TYW1: variants seen among roughly 807,000 people sequenced by gnomAD.
TYW1 encodes the protein S-adenosyl-L-methionine-dependent tRNA 4-demethylwyosine synthase TYW1.
TYW1 carries 46 observed loss-of-function variants against 96.2 expected under a neutral mutation model. The observed-to-expected ratio is 0.48, with a 90% CI of 0.38 to 0.61. The LOEUF (loss-of-function observed/expected upper bound fraction) is 0.61. TYW1 is among the 20% of genes least tolerant of loss of function. The pLI is 0.00. For synonymous variants in TYW1, 274 were observed against 323.0 expected (o/e 0.85, Z 1.63); for missense variants, 684 against 909.6 (o/e 0.75, Z 3.19).
chr7:67,050,167 A>G (rs747961825), intron 8 of TYW1, 101 bp downstream of exon 8: 31 of 1,323,030 alleles, frequency 2.3e-5, no homozygotes, highest in Non-Finnish European at 3.0e-5. Flanking sequence ...GCAGCTGTTC[A>G]TAGTGGCAGA....
chr7:67,173,466 TTAA>T (rs1799575106), intron 13 of TYW1, among the ~76,000 whole-genome samples: 1 of 152,252 alleles, frequency 6.6e-6, no homozygotes, highest in Non-Finnish European at 1.5e-5. Flanking sequence ...TCAAGAATAC[TTAA>T]TAATTGTTGC....
intron 2 of TYW1, 31 bp from the exon 3 acceptor site, chr7:66,998,786 G>A (rs368839970): frequency 1.9e-6 from 3 of 1,611,746 alleles, no homozygotes; most frequent in Non-Finnish European, 2.5e-6. Flanking sequence ...ATTTAGACTT[G>A]ATGGATTTTG....
chr7:67,136,620 A>C (rs559345543), intron 13 of TYW1, among the ~76,000 whole-genome samples: 22 of 122,970 alleles, frequency 1.8e-4, no homozygotes, highest in African/African-American at 7.2e-4. Flanking sequence ...CACATACCAT[A>C]TATTAGTATG....
chr7:67,208,810 A>G (rs953588375), intron 15 of TYW1, among the ~76,000 whole-genome samples: 2 of 152,042 alleles, frequency 1.3e-5, no homozygotes, highest in Non-Finnish European at 2.9e-5. Context: ...ACAACATGAT[A>G]TAGCCTCTGG....
chr7:67,019,659 GTT>G (rs1259886974), intron 6 of TYW1, among the ~76,000 whole-genome samples: 11 of 152,276 alleles, frequency 7.2e-5, no homozygotes, highest in African/African-American at 2.7e-4. Flanking sequence ...AATTTAAAGA[GTT>G]TATTTGAGCC....
chr7:67,132,660 A>C (rs7783804), intron 13 of TYW1, among the ~76,000 whole-genome samples: 41,891 of 151,760 alleles, frequency 0.28, 6,625 homozygotes, highest in African/African-American at 0.44. Flanking sequence ...AGAGCTGTTT[A>C]ATCTCCCCAT....
At chr7:66,998,994 C>T in intron 3 of TYW1, 40 bp downstream of exon 3, 1 of 1,609,486 alleles carries the variant, frequency 6.2e-7, no homozygotes. Context: ...GGTTTCCTGA[C>T]ATTTTAAGAA....
intron 15 of TYW1, among the ~76,000 whole-genome samples, chr7:67,229,563 A>T (rs574740502): frequency 6.6e-6 from 1 of 151,902 alleles, no homozygotes; most frequent in South Asian, 2.1e-4. Flanking sequence ...TGGAATATAC[A>T]CTGTTTTCTG....
At chr7:67,118,815 G>T (rs1797675424) in intron 13 of TYW1, among the ~76,000 whole-genome samples, 1 of 146,916 alleles carries the variant, frequency 6.8e-6, no homozygotes, top group Non-Finnish European at 1.5e-5. Context: ...GGGAGGCAGA[G>T]GTTGTAGTGA....
chr7:67,158,719 G>A (rs1349161412), intron 13 of TYW1, among the ~76,000 whole-genome samples: 1 of 152,020 alleles, frequency 6.6e-6, no homozygotes, highest in Non-Finnish European at 1.5e-5. Flanking sequence ...ACAGGTGCTC[G>A]CCACCACGCC....
intron 9 of TYW1, among the ~76,000 whole-genome samples, chr7:67,059,471 C>G (rs939077842): frequency 6.6e-6 from 1 of 151,290 alleles, no homozygotes; most frequent in Admixed American, 6.6e-5. Context: ...TTATCATTGG[C>G]TGCAAAGATC....
At chr7:67,080,475 G>C (rs375873534) in intron 10 of TYW1, among the ~76,000 whole-genome samples, 2 of 150,798 alleles carry the variant, frequency 1.3e-5, no homozygotes, top group African/African-American at 4.9e-5. Flanking sequence ...GCACAATCTC[G>C]GCTCACTGCA....
chr7:67,151,052 T>TTC (rs35697716), intron 13 of TYW1, among the ~76,000 whole-genome samples: 98 of 45,512 alleles, frequency 2.2e-3, no homozygotes, highest in African/African-American at 3.8e-3. Context: ...ATTCTTCTTC[T>TTC]TTTTTTTTTT....
At chr7:67,084,849 G>T (rs13310533) in intron 11 of TYW1, among the ~76,000 whole-genome samples, 1 of 152,148 alleles carries the variant, frequency 6.6e-6, no homozygotes, top group Non-Finnish European at 1.5e-5. Context: ...TGTTGATGTT[G>T]TTCAACTGGG....
chr7:67,220,177 T>C (rs1300774978), intron 15 of TYW1, among the ~76,000 whole-genome samples: 1 of 149,734 alleles, frequency 6.7e-6, no homozygotes, highest in African/African-American at 2.5e-5. Flanking sequence ...AATTTGTGAA[T>C]TTTTTAGTTT....
chr7:67,045,545 C>T (rs1795163755), intron 7 of TYW1, among the ~76,000 whole-genome samples: 1 of 152,106 alleles, frequency 6.6e-6, no homozygotes, highest in Non-Finnish European at 1.5e-5. Flanking sequence ...AAAACAAAAA[C>T]AAACAAAAAA....
intron 14 of TYW1, among the ~76,000 whole-genome samples, chr7:67,192,884 T>A (rs1420854421): frequency 6.6e-6 from 1 of 152,198 alleles, no homozygotes; most frequent in Non-Finnish European, 1.5e-5. Flanking sequence ...CTCAGATTAG[T>A]AAGTGATTGG....
At chr7:67,020,259 G>T (rs1794201101) in intron 6 of TYW1, among the ~76,000 whole-genome samples, 1 of 152,260 alleles carries the variant, frequency 6.6e-6, no homozygotes, top group Non-Finnish European at 1.5e-5. Flanking sequence ...GCTCAGGCCT[G>T]TAAATCCCTG....
At chr7:67,193,214 A>G (rs1254445762) in intron 14 of TYW1, among the ~76,000 whole-genome samples, 1 of 152,190 alleles carries the variant, frequency 6.6e-6, no homozygotes, top group Admixed American at 6.5e-5. Context: ...TGTAGGGCAC[A>G]GTTTCAGCTT....
Sources: allele counts gnomAD v4.1 joint callset (sites outside exome capture counted in the v4.1 genomes callset), GRCh38; gene constraint gnomAD v4.1.1; transcripts MANE v1.5; gene names NCBI Gene and HGNC (gene_info 2026-07-23, HGNC 2026-07-21).